Variants in NPC1 observed in about 807,000 individuals in gnomAD.
NPC1 encodes the protein NPC intracellular cholesterol transporter 1.
Under a neutral mutation model 140.4 loss-of-function variants are expected in NPC1, and 85 were observed. The observed-to-expected ratio is 0.61, with a 90% confidence interval of 0.51 to 0.72. The LOEUF (loss-of-function observed/expected upper bound fraction) is 0.72, where lower values mean the gene tolerates loss of function less well. Among genes scored for constraint, NPC1 ranks in the 30% least tolerant of loss-of-function variants. The pLI is 0.00. For missense variants in NPC1, 1,504 were observed against 1,623.8 expected, an observed-to-expected ratio of 0.93 and a Z score of 1.27; for synonymous variants, 656 against 624.8, an observed-to-expected ratio of 1.05 and a Z score of -0.74.
At chr18:23,527,894 A>T, downstream of NPC1, 1 of 1,613,496 alleles carries the variant, frequency 6.2e-7, no homozygotes, top group Non-Finnish European at 8.5e-7. Context: ...GAGCAGAGTT[A>T]TGCGATGGTG....
chr18:23,524,209 A>G (rs1162453558), intron 1 of NPC1: 1 of 1,610,424 alleles, frequency 6.2e-7, no homozygotes, highest in Admixed American at 1.7e-5. Flanking sequence ...CGTGCACAAC[A>G]GGGCAAGTGG....
chr18:23,528,883 G>C (rs1042186422), downstream of NPC1: 5 of 295,244 alleles, frequency 1.7e-5, no homozygotes, highest in African/African-American at 4.5e-5. Context: ...GATCTGAACT[G>C]CTTTTTTTTT....
At chr18:23,536,538 C>CT in intron 21 of NPC1, 135 bp downstream of exon 21, 1 of 722,840 alleles carries the variant, frequency 1.4e-6, no homozygotes, top group Non-Finnish European at 2.4e-6. Flanking sequence ...CTTTGATATA[C>CT]TGCCCTGTGC....
At position 23,534,474 on chromosome 18, in the gene NPC1, TC is replaced by T. The variant is rs758231839; in HGVS notation, c.3562del (p.Glu1188LysfsTer54). ...GCTGCCCATGTGGGCAAGTGCCTCTTCCGCGCGCTCCACGCGGCTGCCTTTC... is the reference window on the plus strand; with the variant it reads ...GCTGCCCATGTGGGCAAGTGCCTCTTCGCGCGCTCCACGCGGCTGCCTTTC... ...SMKGSRVERA[E>X]EALAHMGSSV... On this transcript the variant is annotated frameshift_variant, in exon 23 of 25. Transcript: ENST00000269228. LOFTEE classifies it high-confidence loss of function. The T allele has an allele frequency of 6.2e-7, 1 of 1,613,916 alleles. No individual in the cohort carries two copies. The highest frequency in any genetic ancestry group is 8.5e-7 in the Non-Finnish European group (1 of 1,180,002).
chr18:23,556,406 G>C lies in NPC1; in HGVS notation c.1163C>G (p.Ala388Gly). The C allele has an allele frequency of 6.2e-7, 1 of 1,614,174 alleles. No homozygotes were observed. The highest frequency in any genetic ancestry group is 8.5e-7 in the Non-Finnish European group (1 of 1,180,026). Reference sequence around the variant, plus strand: ...GTCAAAGTACTCTTTTTCCAGGCGAGCCTGGCTGCTGGGGGCTGACCAGAG... The same window carrying C: ...GTCAAAGTACTCTTTTTCCAGGCGACCCTGGCTGCTGGGGGCTGACCAGAG... ...VDLWSAPSSQ[A>G]RLEKEYFDQH... is the part of the protein sequence containing the mutation. The change falls in exon 8 of 25, where the codon GCT becomes GGT. Residue 388 changes from alanine to glycine, a missense_variant. Coordinates refer to ENST00000269228, the MANE Select transcript of NPC1 (RefSeq NM_000271.5).
chr18:23,532,354 C>T (rs1337496574), intron 24 of NPC1, 70 bp from the exon 25 acceptor site: 33 of 1,562,300 alleles, frequency 2.1e-5, no homozygotes, highest in Non-Finnish European at 2.7e-5. Context: ...CATAGTGGCT[C>T]ACGCCTGTAA....
chr18:23,582,806 G>GA (rs5823397), intron 1 of NPC1, among the ~76,000 whole-genome samples: 29 of 138,018 alleles, frequency 2.1e-4, no homozygotes, highest in Admixed American at 3.7e-4. Flanking sequence ...ACCTGGTCTT[G>GA]AAAAAAAAAA....
At position 23,561,388 on chromosome 18, in the gene NPC1, T is replaced by C; in HGVS notation, c.603A>G (p.Ala201=). ...AAAACACAGGAGTGATGGTAAAAGG[T>C]GCCTGTCCATTGTCCTTATTGAACA... ...EYMFNKDNGQ[A]PFTITPVFSD... The change falls in exon 5 of 25, where the codon GCA becomes GCG. Residue 201 remains alanine (A), a synonymous_variant. Coordinates refer to ENST00000269228, the MANE Select transcript of NPC1 (RefSeq NM_000271.5). 1 of 1,614,194 alleles carries C rather than the reference T, an allele frequency of 6.2e-7. No homozygotes were observed. The highest frequency in any genetic ancestry group is 8.5e-7 in the Non-Finnish European group (1 of 1,180,022).
intron 3 of NPC1, chr18:23,515,825 T>C: frequency 6.2e-7 from 1 of 1,613,166 alleles, no homozygotes; most frequent in Non-Finnish European, 8.5e-7. Context: ...GTTTTTTAAA[T>C]GAAGATCCTG....
chr18:23,527,223 C>CAAAAA (rs386387173), downstream of NPC1, among the ~76,000 whole-genome samples: 1 of 43,658 alleles, frequency 2.3e-5, no homozygotes, highest in Non-Finnish European at 5.2e-5. Context: ...CCTGTCTCTA[C>CAAAAA]AAAAAAAAAA....
rs1041163923 is a variant in NPC1, at chr18:23,548,234, G to A, written c.1655-126C>T. The A allele has an allele frequency of 4.2e-6, 3 of 709,608 alleles. No homozygotes were observed. The African/African-American group carries it at 5.3e-5, about 12-fold the overall frequency. 44.0% of individuals were successfully genotyped at this position (709,608 alleles called of 1,614,324 possible). ...TATGGACTGTATCTCTGGGCTCTAA[G>A]AATTAAACAAGAGTTTGCTGAAATA... On this transcript the variant is annotated intron_variant, in intron 10 of 24. Transcript: ENST00000269228.
At chr18:23,506,908 C>A in intron 3 of NPC1, 2 of 1,154,928 alleles carry the variant, frequency 1.7e-6, no homozygotes, top group South Asian at 1.3e-5. Flanking sequence ...TTTGCCTTTT[C>A]AATAAATGGT....
chr18:23,567,317 T>A (rs1388414855), intron 4 of NPC1, among the ~76,000 whole-genome samples: 1 of 152,234 alleles, frequency 6.6e-6, no homozygotes, highest in African/African-American at 2.4e-5. Context: ...GAAAGCGTCT[T>A]GAATTTTTGC....
intron 1 of NPC1, among the ~76,000 whole-genome samples, chr18:23,576,026 C>T (rs1295765633): frequency 6.6e-6 from 1 of 152,002 alleles, no homozygotes; most frequent in South Asian, 2.1e-4. Context: ...GAGTTCGAGA[C>T]CAGCCTGACC....
At chr18:23,562,305 A>C (rs891754712) in intron 4 of NPC1, among the ~76,000 whole-genome samples, 2 of 151,976 alleles carry the variant, frequency 1.3e-5, no homozygotes, top group Non-Finnish European at 2.9e-5. Flanking sequence ...ACAAAAAAAA[A>C]AAACAAAAAA....
downstream of NPC1, among the ~76,000 whole-genome samples, chr18:23,518,363 G>A (rs1350561724): frequency 1.3e-5 from 2 of 152,062 alleles, no homozygotes; most frequent in African/African-American, 2.4e-5. Context: ...ACGGTGGCAC[G>A]TGCATGTAGT....
intron 10 of NPC1, 89 bp downstream of exon 10, chr18:23,551,538 T>C (rs2058872669): frequency 9.9e-7 from 1 of 1,010,642 alleles, no homozygotes; most frequent in African/African-American, 1.6e-5. Flanking sequence ...CTGCCCAATT[T>C]ATGAAATCTT....
At chr18:23,524,544 T>G, downstream of NPC1, 1 of 1,547,382 alleles carries the variant, frequency 6.5e-7, no homozygotes, top group Non-Finnish European at 8.9e-7. Context: ...GGATCCCAGT[T>G]GTAGCCAGGG....
intron 4 of NPC1, among the ~76,000 whole-genome samples, chr18:23,567,360 T>C (rs891601181): frequency 6.6e-6 from 1 of 152,222 alleles, no homozygotes; most frequent in African/African-American, 2.4e-5. Flanking sequence ...TATCTCGTTG[T>C]TTTAATTTGT....
Sources: allele counts gnomAD v4.1 joint callset (sites outside exome capture counted in the v4.1 genomes callset), GRCh38; gene constraint gnomAD v4.1.1; transcripts MANE v1.5; gene names NCBI Gene and HGNC (gene_info 2026-07-23, HGNC 2026-07-21).